The following SHOC1 variants were observed in gnomAD, a reference collection of about 807,000 sequenced individuals.
SHOC1 encodes the protein protein shortage in chiasmata 1 ortholog.
A neutral mutation model predicts 179.2 loss-of-function variants in SHOC1; 136 were observed. That is an observed-to-expected ratio of 0.76 (90% CI 0.66 to 0.87). The LOEUF is 0.87. Among genes scored for constraint, SHOC1 ranks in the 40% least tolerant of loss-of-function variants. The pLI is 0.00. For missense variants in SHOC1, 1,538 were observed against 1,700.8 expected (o/e 0.90, Z 1.68); for synonymous variants, 489 against 586.6 (o/e 0.83, Z 2.41).
In SHOC1 at chr9:111,686,771, C is replaced by G; in HGVS notation, c.4526G>C (p.Ter1509SerextTer15). Residue 1509 changes from the stop codon to serine, a stop_lost, in exon 28 of 28, where the codon TGA becomes TCA. Transcript: ENST00000682961. Reference protein sequence around the residue: ...VDGQTRLRFF* With the variant: ...VDGQTRLRFFS ...ATGTAACATTGCTCTTCTCCTCCTT[C>G]AAAAAAACCTCAGCCGAGTCTGCCC... is the stretch of plus-strand genomic sequence containing the variant. 2 of 1,604,466 alleles carry G rather than the reference C, an allele frequency of 1.2e-6. No individual in the cohort carries two copies. The highest frequency in any genetic ancestry group is 1.7e-6 in the Non-Finnish European group (2 of 1,171,942).
chr9:111,754,619 G>C (rs1032458690), intron 8 of SHOC1, among the ~76,000 whole-genome samples: 6 of 152,138 alleles, frequency 3.9e-5, no homozygotes, highest in African/African-American at 1.4e-4. Flanking sequence ...ATATATCCAA[G>C]AGAAATGAAA....
At chr9:111,759,120 G>C in intron 5 of SHOC1, 1 of 1,570,192 alleles carries the variant, frequency 6.4e-7, no homozygotes, top group South Asian at 1.2e-5. Context: ...TATCAATAAA[G>C]ATTAATCAAT....
Position 111,737,226 on chromosome 9 carries a change from C to A in SHOC1, c.1417+1054G>T, listed in dbSNP as rs138188266. On this transcript the variant is annotated intron_variant, in intron 12 of 27. Transcript: ENST00000682961. The stretch of plus-strand genomic sequence containing the variant: ...ATTACTGGGTATATGTTAAAAAAAT[C>A]GTTCTGTCTTCTGTGTTTGAAACAC... Among the ~76,000 whole-genome samples the A allele has an allele frequency of 3.6e-4, 55 of 152,270 alleles. 2 individuals carry two copies. In the East Asian group the frequency reaches 0.011, roughly 29 times the overall value.
chr9:111,707,820 G>A (rs200421608), intron 19 of SHOC1, 35 bp downstream of exon 19: 13 of 1,383,444 alleles, frequency 9.4e-6, no homozygotes, highest in East Asian at 4.8e-5. Context: ...AAACTGGTAC[G>A]TTTGTTCCTC....
chr9:111,695,828 A>T, intron 24 of SHOC1, among the ~76,000 whole-genome samples: 1 of 152,316 alleles, frequency 6.6e-6, no homozygotes, highest in East Asian at 1.9e-4. Flanking sequence ...CACTACTAAA[A>T]ATAGAATGCT....
intron 13 of SHOC1, among the ~76,000 whole-genome samples, chr9:111,724,283 C>T (rs903546009): frequency 7.9e-5 from 12 of 152,052 alleles, no homozygotes; most frequent in African/African-American, 2.2e-4. Context: ...CTACTACTAA[C>T]CCTCTCCTCT....
intron 21 of SHOC1, among the ~76,000 whole-genome samples, chr9:111,704,860 A>G (rs567165492): frequency 8.2e-4 from 125 of 152,318 alleles, no homozygotes; most frequent in African/African-American, 2.7e-3. Context: ...TCTCAATATT[A>G]TCAATGACTC....
chr9:111,737,961 T>A (rs1833881277), intron 12 of SHOC1: 1 of 341,538 alleles, frequency 2.9e-6, no homozygotes, highest in African/African-American at 2.1e-5. Flanking sequence ...TAGGCCAATG[T>A]GAACGGAAAC....
chr9:111,693,710 C>A, intron 26 of SHOC1, 89 bp downstream of exon 26: 4 of 811,706 alleles, frequency 4.9e-6, no homozygotes, highest in Non-Finnish European at 7.2e-6. Flanking sequence ...AACTTGGATA[C>A]CTTCATTTTA....
At chr9:111,717,323 G>A (rs1373781085) in intron 16 of SHOC1, among the ~76,000 whole-genome samples, 1 of 152,090 alleles carries the variant, frequency 6.6e-6, no homozygotes, top group African/African-American at 2.4e-5. Flanking sequence ...GCTGGGTGTG[G>A]TGGCTCACAC....
chr9:111,727,939 G>T lies in SHOC1; in HGVS notation c.1528C>A (p.Pro510Thr), dbSNP rs769493681. The T allele has an allele frequency of 8.7e-6, 14 of 1,613,154 alleles. No homozygotes were observed. In the East Asian group the frequency reaches 2.7e-4, roughly 31 times the overall value. The stretch of plus-strand genomic sequence containing the variant: ...TAGTCATCAGAAAAACATAGATCTG[G>T]TACTTCTTTTGCCAGAGATGGACTC... ...QKSPSLAKEV[P>T]DLCFSDDYFS... The change falls in exon 13 of 28, where the codon CCA (proline) becomes ACA (threonine). Residue 510 changes from proline (P) to threonine (T), a missense_variant. Pro to Thr is a conservative substitution (Grantham distance 38). Transcript: ENST00000682961.
At chr9:111,746,462 T>A in intron 9 of SHOC1, 120 bp from the exon 10 acceptor site, 4 of 564,040 alleles carry the variant, frequency 7.1e-6, no homozygotes, top group Non-Finnish European at 1.3e-5. Context: ...ATCACTTGAG[T>A]CCAGGAGTTT....
intron 12 of SHOC1, among the ~76,000 whole-genome samples, chr9:111,730,952 C>T (rs1172766957): frequency 6.6e-6 from 1 of 152,210 alleles, no homozygotes; most frequent in Non-Finnish European, 1.5e-5. Flanking sequence ...TAACTTGCTG[C>T]AGCTTCTACA....
At chr9:111,686,927 T>A in intron 27 of SHOC1, 57 bp from the exon 28 acceptor site, 1 of 1,095,134 alleles carries the variant, frequency 9.1e-7, no homozygotes. Context: ...AAAGTATAGG[T>A]TTTTTCTTTT....
At chr9:111,732,037 A>G (rs1833597562) in intron 12 of SHOC1, among the ~76,000 whole-genome samples, 1 of 152,200 alleles carries the variant, frequency 6.6e-6, no homozygotes, top group African/African-American at 2.4e-5. Flanking sequence ...ATGAACATGT[A>G]ATAAGATGCC....
intron 5 of SHOC1, among the ~76,000 whole-genome samples, chr9:111,772,413 G>A (rs751846311): frequency 2.1e-4 from 32 of 152,130 alleles, no homozygotes; most frequent in Non-Finnish European, 3.4e-4. Flanking sequence ...TGTTAGGGTC[G>A]GTCACTGGAT....
chr9:111,775,834 G>A lies in SHOC1; in HGVS notation c.399C>T (p.Val133=). Residue 133 remains valine (V), a synonymous_variant, in exon 5 of 28, where the codon GTC becomes GTT. Coordinates refer to ENST00000682961, the MANE Select transcript of SHOC1 (RefSeq NM_001378211.1). The stretch of plus-strand genomic sequence containing the variant: ...GTGCTGAACATTTTTCTAAACAACT[G>A]ACAGGGGTAAAGACTTCATTGTAGT... The part of the protein sequence containing the change: ...HMDYNEVFTP[V]SCLEKCSALQ... 6.2e-7 allele frequency: 1 copy of A among 1,611,320 alleles called. No homozygotes were observed. Among genetic ancestry groups the A allele is most frequent in the Non-Finnish European group, 8.5e-7 (1 of 1,179,328 alleles).
intron 12 of SHOC1, 111 bp from the exon 13 acceptor site, chr9:111,728,160 T>C (rs1284783027): frequency 6.6e-6 from 5 of 752,036 alleles, no homozygotes; most frequent in Non-Finnish European, 5.8e-6. Flanking sequence ...ATTTGATCTT[T>C]ATGAGCACTT....
rs113329104 is a variant in SHOC1 at position 111,729,930 on chromosome 9, C to T, written c.1418-1881G>A. Among the ~76,000 whole-genome samples the T allele has an allele frequency of 2.0e-4, 31 of 151,998 alleles. 1 individual carries two copies. The highest frequency in any genetic ancestry group is 7.5e-4 in the African/African-American group (31 of 41,502). On this transcript the variant is annotated intron_variant, in intron 12 of 27. Coordinates refer to ENST00000682961, the MANE Select transcript of SHOC1 (RefSeq NM_001378211.1). Reference sequence around the variant, plus strand: ...TGGAGTCAATCCTCTCCAACCCTGCCACTACTTTATCAACTATGTTTATGG... The same window carrying T: ...TGGAGTCAATCCTCTCCAACCCTGCTACTACTTTATCAACTATGTTTATGG...
Sources: allele counts gnomAD v4.1 joint callset (sites outside exome capture counted in the v4.1 genomes callset), GRCh38; gene constraint gnomAD v4.1.1; transcripts MANE v1.5; gene names NCBI Gene and HGNC (gene_info 2026-07-23, HGNC 2026-07-21).